The following TBC1D32 variants were observed in gnomAD, a reference collection of about 807,000 sequenced individuals.
The protein encoded by TBC1D32 is TBC1 domain family member 32, also known as protein broad-minded.
TBC1D32 carries 151 observed loss-of-function variants against 170.3 expected under a neutral mutation model. The observed-to-expected ratio is 0.89, with a 90% confidence interval of 0.78 to 1.01. The LOEUF (loss-of-function observed/expected upper bound fraction) is 1.01, where lower values mean the gene tolerates loss of function less well. TBC1D32 is among the 50% of genes least tolerant of loss of function. The pLI is 0.00. For missense variants in TBC1D32, 1,464 were observed against 1,457.1 expected (o/e 1.00, Z -0.08); for synonymous variants, 498 against 488.0 (o/e 1.02, Z -0.27).
chr6:121,155,003 T>C (rs1449021510), intron 24 of TBC1D32, among the ~76,000 whole-genome samples: 1 of 152,212 alleles, frequency 6.6e-6, no homozygotes, highest in Non-Finnish European at 1.5e-5. Flanking sequence ...TGGTTCCATA[T>C]GAATTTCAGA....
chr6:121,170,449 T>C (rs750987014), intron 22 of TBC1D32: 3 of 1,607,632 alleles, frequency 1.9e-6, no homozygotes, highest in Non-Finnish European at 2.5e-6. Context: ...CTTGAGCATT[T>C]AGTAACATTT....
intron 26 of TBC1D32, among the ~76,000 whole-genome samples, chr6:121,121,652 T>G (rs1029680196): frequency 6.6e-6 from 1 of 152,078 alleles, no homozygotes; most frequent in Non-Finnish European, 1.5e-5. Context: ...TTAAATGGTT[T>G]ACTCTATTGC....
chr6:121,146,621 T>A (rs1452416668), intron 24 of TBC1D32, among the ~76,000 whole-genome samples: 1 of 152,222 alleles, frequency 6.6e-6, no homozygotes, highest in African/African-American at 2.4e-5. Context: ...CTGGGTATAC[T>A]GGCAGCAGTA....
chr6:121,217,704 T>C (rs933552693), intron 21 of TBC1D32, among the ~76,000 whole-genome samples: 11 of 152,158 alleles, frequency 7.2e-5, no homozygotes, highest in Non-Finnish European at 1.5e-5. Context: ...CAAGGCTTAG[T>C]ACCTGGGTGA....
At chr6:121,334,075 T>C (rs868825395) in intron 1 of TBC1D32, among the ~76,000 whole-genome samples, 1 of 151,808 alleles carries the variant, frequency 6.6e-6, no homozygotes, top group Non-Finnish European at 1.5e-5. Flanking sequence ...TCAAAAAATA[T>C]AGAGAGAAAG....
chr6:121,190,355 C>T (rs1397997270), intron 22 of TBC1D32, among the ~76,000 whole-genome samples: 1 of 147,268 alleles, frequency 6.8e-6, no homozygotes, highest in Non-Finnish European at 1.5e-5. Context: ...ACCGTTCTTC[C>T]CTCTGTCTTC....
chr6:121,141,026 T>G (rs988808643), intron 24 of TBC1D32, among the ~76,000 whole-genome samples: 1 of 152,180 alleles, frequency 6.6e-6, no homozygotes, highest in Admixed American at 6.5e-5. Flanking sequence ...AATCCAGCAT[T>G]GATTATTTAC....
intron 22 of TBC1D32, among the ~76,000 whole-genome samples, chr6:121,203,641 G>A (rs1583202012): frequency 6.6e-6 from 1 of 151,146 alleles, no homozygotes; most frequent in Non-Finnish European, 1.5e-5. Flanking sequence ...AAATAACTCT[G>A]TAAGGAAAAT....
chr6:121,331,515 C>A (rs1355987177), intron 1 of TBC1D32, among the ~76,000 whole-genome samples: 1 of 152,124 alleles, frequency 6.6e-6, no homozygotes, highest in Non-Finnish European at 1.5e-5. Flanking sequence ...CCACCATGCC[C>A]AGCCTCCCCT....
chr6:121,330,975 A>G (rs1346692934), intron 1 of TBC1D32, among the ~76,000 whole-genome samples: 1 of 152,238 alleles, frequency 6.6e-6, no homozygotes, highest in Non-Finnish European at 1.5e-5. Flanking sequence ...AGTTTACTGT[A>G]GAAAAAGAGA....
chr6:121,282,388 T>C (rs1395790548), intron 13 of TBC1D32, among the ~76,000 whole-genome samples: 3 of 151,760 alleles, frequency 2.0e-5, no homozygotes, highest in Admixed American at 6.6e-5. Context: ...TAAGGTAAGA[T>C]TGTCCTAGTA....
chr6:121,264,030 A>G (rs1800121726), intron 15 of TBC1D32, among the ~76,000 whole-genome samples: 1 of 152,158 alleles, frequency 6.6e-6, no homozygotes, highest in South Asian at 2.1e-4. Flanking sequence ...TAAAATAACT[A>G]GCGAATCAAG....
In TBC1D32 at chr6:121,131,621, A is replaced by G. The variant is rs534625211; in HGVS notation, c.2899+6T>C. The G allele has an allele frequency of 5.9e-5, 95 of 1,608,570 alleles. 2 individuals are homozygous for G. In the South Asian group the frequency reaches 9.9e-4, roughly 17 times the overall value. ...AGAAAACCCACAATGGAAACAATGT[A>G]CTTACCCTCTCCACTGATTATATCA... On this transcript the variant is annotated splice_donor_region_variant and intron_variant, in intron 25 of 31. Transcript: ENST00000398212.
intron 30 of TBC1D32, among the ~76,000 whole-genome samples, chr6:121,100,153 C>A (rs910983806): frequency 2.0e-5 from 3 of 151,878 alleles, no homozygotes; most frequent in Non-Finnish European, 4.4e-5. Context: ...AATTTCTGTT[C>A]TTTTACATTT....
chr6:121,216,386 T>C (rs955345490), intron 21 of TBC1D32, among the ~76,000 whole-genome samples: 7 of 152,148 alleles, frequency 4.6e-5, no homozygotes, highest in Admixed American at 2.6e-4. Context: ...CTCCCCTCTA[T>C]AGGTATATTT....
chr6:121,085,887 T>C (rs1776224708), intron 31 of TBC1D32, among the ~76,000 whole-genome samples: 1 of 152,060 alleles, frequency 6.6e-6, no homozygotes, highest in Non-Finnish European at 1.5e-5. Context: ...AATGAGGGAA[T>C]AGGTCCTGAT....
In TBC1D32 at chr6:121,242,251, T is replaced by C. The variant is rs1797078660; in HGVS notation, c.2107A>G (p.Ile703Val). The change falls in exon 18 of 32, where the codon ATC becomes GTC. Residue 703 changes from isoleucine to valine, a missense_variant. Transcript: ENST00000398212. ...GLLLLQRTGA[I>V]NECVTFIFNR... Reference sequence around the variant, plus strand: ...AATATAAATGTCACACATTCATTGATAGCACCTGTTCTTTGAAGAAGTAGT... The same window carrying C: ...AATATAAATGTCACACATTCATTGACAGCACCTGTTCTTTGAAGAAGTAGT... 2 of 1,612,478 alleles carry C rather than the reference T, an allele frequency of 1.2e-6. No individual in the cohort carries two copies. Among genetic ancestry groups the C allele is most frequent in the Non-Finnish European group, 1.7e-6 (2 of 1,179,274 alleles).
chr6:121,214,704 T>G (rs1399022584), intron 21 of TBC1D32, among the ~76,000 whole-genome samples: 1 of 152,182 alleles, frequency 6.6e-6, no homozygotes, highest in Non-Finnish European at 1.5e-5. Flanking sequence ...GCTAAAGCTC[T>G]TCTCTCTTTC....
At chr6:121,269,319 A>T (rs1266127481) in intron 15 of TBC1D32, among the ~76,000 whole-genome samples, 1 of 152,188 alleles carries the variant, frequency 6.6e-6, no homozygotes, top group African/African-American at 2.4e-5. Context: ...TAGACTGGCA[A>T]ATTGGATAAA....
Sources: gnomAD v4.1 joint callset for allele counts (sites outside exome capture counted in the v4.1 genomes callset) on GRCh38, gnomAD v4.1.1 for gene constraint, MANE v1.5 for transcripts, NCBI Gene and HGNC (gene_info 2026-07-23, HGNC 2026-07-21) for gene names.